Variants in CSMD1 observed in about 807,000 individuals in gnomAD.
CSMD1 encodes the protein CUB and sushi domain-containing protein 1.
A neutral mutation model predicts 417.5 loss-of-function variants in CSMD1; 213 were observed. The ratio of observed to expected loss-of-function variants is 0.51; its 90% CI spans 0.46 to 0.57. The LOEUF (loss-of-function observed/expected upper bound fraction) is 0.57. Ranked by LOEUF, CSMD1 falls within the 20% of genes least tolerant of loss-of-function variation. The pLI is 0.00. For missense variants in CSMD1, 6,923 were observed against 4,529.7 expected (o/e 1.53, Z -15.17); for synonymous variants, 2,862 against 1,736.8 (o/e 1.65, Z -16.11).
At chr8:4,760,437 T>C (rs963290779) in intron 1 of CSMD1, among the ~76,000 whole-genome samples, 19 of 152,198 alleles carry the variant, frequency 1.2e-4, no homozygotes, top group Non-Finnish European at 2.5e-4. Flanking sequence ...GAAGAGTCCA[T>C]GGCATTTCCT....
At chr8:3,498,111 T>A (rs1412242192) in intron 10 of CSMD1, among the ~76,000 whole-genome samples, 1 of 152,240 alleles carries the variant, frequency 6.6e-6, no homozygotes, top group East Asian at 1.9e-4. Context: ...CTTTCAGCAT[T>A]TTCATTATAT....
intron 5 of CSMD1, among the ~76,000 whole-genome samples, chr8:3,938,153 G>C (rs1439182827): frequency 1.3e-5 from 2 of 151,992 alleles, no homozygotes; most frequent in Non-Finnish European, 2.9e-5. Context: ...ATTAATTTCT[G>C]GTAATTGTGT....
chr8:4,158,022 G>A (rs1341125639), intron 3 of CSMD1, among the ~76,000 whole-genome samples: 2 of 151,902 alleles, frequency 1.3e-5, no homozygotes, highest in Non-Finnish European at 2.9e-5. Flanking sequence ...CCCATACACG[G>A]AACCAATGCC....
chr8:3,854,713 G>C (rs781124120), intron 5 of CSMD1, among the ~76,000 whole-genome samples: 1 of 150,920 alleles, frequency 6.6e-6, no homozygotes, highest in African/African-American at 2.4e-5. Context: ...ATGAGACAGC[G>C]GGGGAAATGA....
intron 11 of CSMD1, among the ~76,000 whole-genome samples, chr8:3,477,515 G>A (rs1025113965): frequency 3.9e-5 from 6 of 152,158 alleles, no homozygotes; most frequent in Non-Finnish European, 8.8e-5. Flanking sequence ...GTAAAGACAA[G>A]GTACTATCTT....
chr8:3,331,659 T>A (rs777083403), intron 23 of CSMD1, among the ~76,000 whole-genome samples: 1 of 152,222 alleles, frequency 6.6e-6, no homozygotes, highest in Admixed American at 6.5e-5. Context: ...CATTGATATA[T>A]TATCCAATAT....
At chr8:4,035,002 A>G (rs1382943062) in intron 3 of CSMD1, among the ~76,000 whole-genome samples, 5 of 152,198 alleles carry the variant, frequency 3.3e-5, no homozygotes, top group Non-Finnish European at 7.3e-5. Context: ...TTCTGTTAAA[A>G]GGGCCTGAAA....
intron 3 of CSMD1, among the ~76,000 whole-genome samples, chr8:4,269,650 T>G (rs1804447832): frequency 6.6e-6 from 1 of 152,202 alleles, no homozygotes; most frequent in African/African-American, 2.4e-5. Flanking sequence ...CATGACTTTA[T>G]CAGGTTGCCT....
chr8:3,648,994 G>C (rs765570596), intron 7 of CSMD1, among the ~76,000 whole-genome samples: 1 of 151,924 alleles, frequency 6.6e-6, no homozygotes, highest in Non-Finnish European at 1.5e-5. Flanking sequence ...TTCTCTTTGC[G>C]TCCAGCTTTT....
intron 1 of CSMD1, among the ~76,000 whole-genome samples, chr8:4,796,826 T>C (rs561383026): frequency 5.3e-4 from 80 of 152,306 alleles, no homozygotes; most frequent in African/African-American, 1.7e-3. Context: ...TCTTGTGCAG[T>C]ACAATTTCTC....
At chr8:4,320,656 G>C (rs1402560347) in intron 3 of CSMD1, among the ~76,000 whole-genome samples, 2 of 152,078 alleles carry the variant, frequency 1.3e-5, no homozygotes, top group Admixed American at 1.3e-4. Context: ...ATGGTTTACA[G>C]CTTCATCGAT....
intron 5 of CSMD1, among the ~76,000 whole-genome samples, chr8:3,832,729 C>T (rs906744332): frequency 6.6e-6 from 1 of 152,084 alleles, no homozygotes; most frequent in Non-Finnish European, 1.5e-5. Flanking sequence ...GGACTTACAC[C>T]ATGATGACTT....
At chr8:3,009,132 T>C (rs954182322) in intron 52 of CSMD1, among the ~76,000 whole-genome samples, 2 of 152,322 alleles carry the variant, frequency 1.3e-5, no homozygotes, top group Admixed American at 6.5e-5. Flanking sequence ...GCTCCTTCCA[T>C]TGGAGCTGTA....
At chr8:4,857,986 T>C (rs928576490) in intron 1 of CSMD1, among the ~76,000 whole-genome samples, 27 of 152,244 alleles carry the variant, frequency 1.8e-4, no homozygotes, top group African/African-American at 6.3e-4. Context: ...GACCAATATC[T>C]TTGATGAACA....
intron 3 of CSMD1, among the ~76,000 whole-genome samples, chr8:4,251,946 G>C (rs764263315): frequency 2.0e-4 from 30 of 151,734 alleles, no homozygotes; most frequent in African/African-American, 6.8e-4. Flanking sequence ...AGAGAGTAGA[G>C]GGGAAGAAAG....
intron 2 of CSMD1, among the ~76,000 whole-genome samples, chr8:4,451,403 T>C (rs544823773): frequency 2.0e-5 from 3 of 152,314 alleles, no homozygotes; most frequent in South Asian, 2.1e-4. Context: ...GAACATGTGC[T>C]ATGATCAGTG....
At chr8:3,039,685 A>G (rs1475055984) in intron 50 of CSMD1, among the ~76,000 whole-genome samples, 1 of 152,150 alleles carries the variant, frequency 6.6e-6, no homozygotes, top group African/African-American at 2.4e-5. Context: ...CCTTTAAGAA[A>G]TGTGGGTTCA....
At chr8:4,314,874 T>G (rs1307527677) in intron 3 of CSMD1, among the ~76,000 whole-genome samples, 1 of 152,180 alleles carries the variant, frequency 6.6e-6, no homozygotes, top group East Asian at 1.9e-4. Flanking sequence ...AGAAAACGCT[T>G]CCTGTTGGAG....
intron 2 of CSMD1, among the ~76,000 whole-genome samples, chr8:4,459,061 A>T: frequency 6.7e-6 from 1 of 149,602 alleles, no homozygotes; most frequent in South Asian, 2.1e-4. Context: ...TATGGCCAGG[A>T]AAACTAGATT....
Sources: gnomAD v4.1 joint callset for allele counts (sites outside exome capture counted in the v4.1 genomes callset) on GRCh38, gnomAD v4.1.1 for gene constraint, MANE v1.5 for transcripts, NCBI Gene and HGNC (gene_info 2026-07-23, HGNC 2026-07-21) for gene names.